The following NPAS3 variants were observed in gnomAD, a reference collection of about 807,000 sequenced individuals.
NPAS3 encodes neuronal PAS domain-containing protein 3.
A neutral mutation model predicts 73.1 loss-of-function variants in NPAS3; 14 were observed. The ratio of observed to expected loss-of-function variants is 0.19; its 90% CI spans 0.13 to 0.30. NPAS3 has a LOEUF of 0.30. Ranked by LOEUF, NPAS3 falls within the 10% of genes least tolerant of loss-of-function variation. NPAS3 has a pLI of 1.00. For missense variants in NPAS3, 1,096 were observed against 1,250.0 expected (o/e 0.88, Z 1.86); for synonymous variants, 620 against 541.5 (o/e 1.14, Z -2.01).
chr14:33,764,927 G>C (rs1366173352), intron 7 of NPAS3, among the ~76,000 whole-genome samples: 1 of 152,140 alleles, frequency 6.6e-6, no homozygotes, highest in African/African-American at 2.4e-5. Flanking sequence ...AATGATATTT[G>C]AAGTGTTCCA....
chr14:33,355,097 A>G (rs1451756900), intron 3 of NPAS3, among the ~76,000 whole-genome samples: 2 of 152,108 alleles, frequency 1.3e-5, no homozygotes. Flanking sequence ...TTCATGCATG[A>G]ATGAAACTCC....
At chr14:33,533,618 C>G (rs908265144) in intron 4 of NPAS3, among the ~76,000 whole-genome samples, 4 of 152,114 alleles carry the variant, frequency 2.6e-5, no homozygotes, top group Admixed American at 6.6e-5. Flanking sequence ...AAACACTACA[C>G]TAAATAAATC....
intron 4 of NPAS3, among the ~76,000 whole-genome samples, chr14:33,399,256 C>A (rs774151617): frequency 3.9e-5 from 6 of 152,036 alleles, no homozygotes. Context: ...TGAGAATGAA[C>A]TTTTAAAATA....
At chr14:33,093,320 G>A (rs78710556) in intron 2 of NPAS3, among the ~76,000 whole-genome samples, 64,709 of 151,960 alleles carry the variant, frequency 0.43, 15,019 homozygotes, top group African/African-American at 0.63. Flanking sequence ...GTTATGAACA[G>A]TCACTTCTCA....
intron 4 of NPAS3, among the ~76,000 whole-genome samples, chr14:33,386,408 A>T (rs1410342178): frequency 6.6e-6 from 1 of 152,096 alleles, no homozygotes; most frequent in Non-Finnish European, 1.5e-5. Context: ...GAGTGAGTAG[A>T]TTTATCTCTT....
intron 4 of NPAS3, among the ~76,000 whole-genome samples, chr14:33,408,843 C>T (rs1264559053): frequency 6.6e-6 from 1 of 152,092 alleles, no homozygotes; most frequent in Non-Finnish European, 1.5e-5. Context: ...GGTGATGTTT[C>T]ATAGCATGGC....
At chr14:33,089,102 C>G (rs570277811) in intron 2 of NPAS3, among the ~76,000 whole-genome samples, 1 of 151,956 alleles carries the variant, frequency 6.6e-6, no homozygotes, top group African/African-American at 2.4e-5. Flanking sequence ...CTCTCCCCCT[C>G]CAAAGGAACG....
chr14:33,116,011 T>C (rs2043053783), intron 2 of NPAS3, among the ~76,000 whole-genome samples: 1 of 152,128 alleles, frequency 6.6e-6, no homozygotes, highest in Non-Finnish European at 1.5e-5. Context: ...ATCCATTATT[T>C]GCAATACACA....
intron 2 of NPAS3, among the ~76,000 whole-genome samples, chr14:33,060,211 A>T (rs1341390003): frequency 6.6e-6 from 1 of 152,210 alleles, no homozygotes; most frequent in Non-Finnish European, 1.5e-5. Flanking sequence ...GAGTCAACTG[A>T]GCTAGGTGTT....
intron 4 of NPAS3, among the ~76,000 whole-genome samples, chr14:33,436,211 C>T (rs1162571773): frequency 2.0e-5 from 3 of 152,146 alleles, no homozygotes; most frequent in Non-Finnish European, 2.9e-5. Context: ...TGTAAGTTTA[C>T]CGTCATGCCA....
Position 33,594,468 on chromosome 14 carries a change from CA to C in NPAS3, c.558+34259del, listed in dbSNP as rs1362794934. On this transcript the variant is annotated intron_variant, in intron 5 of 11. Coordinates refer to ENST00000356141, the Ensembl canonical transcript of NPAS3. ...AAAGTCTCAGGATCAGCTTCTTTCA[CA>C]CATTAATTACCTTATATTCTCCAGA... is the stretch of plus-strand genomic sequence containing the variant. Among the ~76,000 whole-genome samples, 29 of 152,206 alleles carry C rather than the reference CA, an allele frequency of 1.9e-4. 1 individual carries two copies. Among genetic ancestry groups the C allele is most frequent in the Admixed American group, 1.6e-3 (24 of 15,280 alleles).
intron 2 of NPAS3, among the ~76,000 whole-genome samples, chr14:33,103,227 C>T (rs773727851): frequency 1.6e-4 from 25 of 152,060 alleles, no homozygotes; most frequent in South Asian, 4.1e-4. Context: ...ACCTGGGGAC[C>T]GGCCATAGTC....
intron 3 of NPAS3, among the ~76,000 whole-genome samples, chr14:33,343,223 T>C (rs1490648123): frequency 6.6e-6 from 1 of 152,218 alleles, no homozygotes; most frequent in African/African-American, 2.4e-5. Context: ...TTTGTCAAAC[T>C]GGGGCTTATT....
chr14:33,305,357 A>G (rs553866889), intron 3 of NPAS3, among the ~76,000 whole-genome samples: 4 of 152,224 alleles, frequency 2.6e-5, no homozygotes, highest in African/African-American at 9.6e-5. Context: ...TTCTGTTTCT[A>G]ATGAAACACC....
intron 7 of NPAS3, among the ~76,000 whole-genome samples, chr14:33,770,249 G>A (rs1277796006): frequency 6.6e-6 from 1 of 152,144 alleles, no homozygotes; most frequent in African/African-American, 2.4e-5. Context: ...GATATTCTCA[G>A]GTAGTTAGTA....
chr14:33,662,512 A>G (rs1409122204), intron 5 of NPAS3, among the ~76,000 whole-genome samples: 1 of 152,204 alleles, frequency 6.6e-6, no homozygotes, highest in Admixed American at 6.5e-5. Flanking sequence ...TGATGGGGAT[A>G]GCATTGAATC....
At chr14:33,426,148 G>A (rs2139086559) in intron 4 of NPAS3, among the ~76,000 whole-genome samples, 1 of 152,182 alleles carries the variant, frequency 6.6e-6, no homozygotes, top group African/African-American at 2.4e-5. Context: ...ACAGAATGAA[G>A]ATAAGACAGG....
intron 5 of NPAS3, among the ~76,000 whole-genome samples, chr14:33,624,972 T>C (rs2058181369): frequency 6.6e-6 from 1 of 152,238 alleles, no homozygotes; most frequent in Admixed American, 6.5e-5. Context: ...TGAGGTATTA[T>C]ATTAAATTAG....
intron 5 of NPAS3, among the ~76,000 whole-genome samples, chr14:33,634,692 G>A (rs183917857): frequency 8.1e-4 from 123 of 152,282 alleles, no homozygotes; most frequent in Middle Eastern, 6.8e-3. Context: ...TTGGGGATAC[G>A]GGGAGGAAAG....
Sources: gnomAD v4.1 joint callset for allele counts (sites outside exome capture counted in the v4.1 genomes callset) on GRCh38, gnomAD v4.1.1 for gene constraint, MANE v1.5 for transcripts, NCBI Gene and HGNC (gene_info 2026-07-23, HGNC 2026-07-21) for gene names.